PTP4A3: variants seen among roughly 807,000 people sequenced by gnomAD.
PTP4A3 encodes the protein protein tyrosine phosphatase type IVA 3.
In PTP4A3, 9 loss-of-function variants were observed where a neutral mutation model predicts 15.2. The observed-to-expected ratio is 0.59, with a 90% confidence interval of 0.36 to 1.03. The LOEUF (loss-of-function observed/expected upper bound fraction) is 1.03. PTP4A3 is among the 50% of genes least tolerant of loss of function. The pLI, the probability that PTP4A3 is intolerant of heterozygous loss-of-function variation, is 0.02. For synonymous variants in PTP4A3, 95 were observed against 102.0 expected (o/e 0.93, Z 0.41); for missense variants, 234 against 252.1 (o/e 0.93, Z 0.49).
chr8:141,429,650 G>C (rs1260989453), intron 5 of PTP4A3, among the ~76,000 whole-genome samples: 1 of 76,616 alleles, frequency 1.3e-5, no homozygotes, highest in Non-Finnish European at 2.6e-5. Flanking sequence ...GCGGGGACAG[G>C]GTGAGCACAC....
intron 1 of PTP4A3, among the ~76,000 whole-genome samples, chr8:141,419,576 T>TTG (rs1423092160): frequency 6.6e-6 from 1 of 150,660 alleles, no homozygotes; most frequent in Non-Finnish European, 1.5e-5. Context: ...CACCGGTTTT[T>TTG]TTTTTTTTTT....
chr8:141,399,157 C>G (rs999977030), intron 1 of PTP4A3, among the ~76,000 whole-genome samples: 2 of 152,194 alleles, frequency 1.3e-5, no homozygotes, highest in Admixed American at 6.5e-5. Flanking sequence ...ACACGGTGTG[C>G]TTTACCTGCT....
intron 5 of PTP4A3, among the ~76,000 whole-genome samples, chr8:141,428,537 G>C (rs1378577800): frequency 6.6e-6 from 1 of 152,232 alleles, no homozygotes; most frequent in Non-Finnish European, 1.5e-5. Context: ...AGGCTTGGCT[G>C]GTGGGGCCAT....
chr8:141,422,076 ATATTTGTGCGGGG>A lies in PTP4A3; in HGVS notation c.-161_-149del, dbSNP rs1438380237. ...TCCCCCACACCCAAGTATTTGCACA[ATATTTGTGCGGGG>A]TATGGGGGTGGGTTTTTAAATCTCG... is the stretch of plus-strand genomic sequence containing the variant. On this transcript the variant is annotated 5_prime_UTR_variant, in exon 2 of 6. It adds an upstream start codon to the 5' untranslated region. Transcript: ENST00000521578. 5.0e-6 allele frequency: 3 copies of A among 602,256 alleles called. No homozygotes were observed. 37.3% of individuals were successfully genotyped at this position (602,256 alleles called of 1,614,324 possible).
At chr8:141,413,510 T>A (rs1832924006) in intron 1 of PTP4A3, among the ~76,000 whole-genome samples, 1 of 152,212 alleles carries the variant, frequency 6.6e-6, no homozygotes, top group African/African-American at 2.4e-5. Context: ...CAACACCCCG[T>A]ACTCCAGAGC....
intron 1 of PTP4A3, among the ~76,000 whole-genome samples, chr8:141,395,214 CGT>C (rs907346396): frequency 6.6e-6 from 1 of 152,198 alleles, no homozygotes; most frequent in Non-Finnish European, 1.5e-5. Context: ...AGAGTGTGCG[CGT>C]GTCTCCCCTC....
intron 1 of PTP4A3, among the ~76,000 whole-genome samples, chr8:141,408,545 G>A (rs1832788364): frequency 6.6e-6 from 1 of 152,098 alleles, no homozygotes; most frequent in African/African-American, 2.4e-5. Context: ...CTTGAACCCG[G>A]GGGCGGAGGT....
chr8:141,427,841 G>C lies in PTP4A3; in HGVS notation c.404+17G>C. On this transcript the variant is annotated intron_variant, in intron 5 of 5. Transcript: ENST00000521578. ...CATCCGCCAGTGAGTGGCCGCGGTG[G>C]TGGGGTGGGCTGTGAGCGCTGGGGG... is the stretch of plus-strand genomic sequence containing the variant. The C allele has an allele frequency of 6.5e-7, 1 of 1,547,686 alleles. No individual in the cohort carries two copies. Among genetic ancestry groups the C allele is most frequent in the South Asian group, 1.2e-5 (1 of 84,008 alleles).
chr8:141,394,623 A>G (rs1284696752), intron 1 of PTP4A3, among the ~76,000 whole-genome samples: 1 of 152,140 alleles, frequency 6.6e-6, no homozygotes, highest in Admixed American at 6.5e-5. Flanking sequence ...ACACCTGTAA[A>G]ATGGGAGCAA....
At chr8:141,424,499 G>A (rs1833476826) in intron 2 of PTP4A3, among the ~76,000 whole-genome samples, 3 of 152,094 alleles carry the variant, frequency 2.0e-5, no homozygotes. Flanking sequence ...CATCCCTGCG[G>A]CTCAGCTGGG....
intron 1 of PTP4A3, among the ~76,000 whole-genome samples, chr8:141,401,175 G>T (rs1832581291): frequency 1.3e-5 from 2 of 152,220 alleles, no homozygotes; most frequent in Admixed American, 1.3e-4. Context: ...CTGTTTCCCA[G>T]GGAGGGAAGC....
chr8:141,424,312 G>C (rs1019759923), intron 2 of PTP4A3, among the ~76,000 whole-genome samples: 9 of 152,174 alleles, frequency 5.9e-5, no homozygotes, highest in Non-Finnish European at 1.3e-4. Flanking sequence ...CCGCAGTGGG[G>C]GTATAACTAT....
At chr8:141,424,366 G>GGGCTTCCCTGCTGGCGTACAGGGCCC (rs1388991352) in intron 2 of PTP4A3, among the ~76,000 whole-genome samples, 1 of 152,144 alleles carries the variant, frequency 6.6e-6, no homozygotes, top group Non-Finnish European at 1.5e-5. Flanking sequence ...TGGTCGTGTG[G>GGGCTTCCCTGCTGGCGTACAGGGCCC]GGCTTCCCTG....
chr8:141,428,849 C>T lies in PTP4A3; in HGVS notation c.404+1025C>T, dbSNP rs1022996883. Among the ~76,000 whole-genome samples the T allele has an allele frequency of 5.3e-5, 8 of 152,334 alleles. No individual in the cohort carries two copies. The East Asian group carries it at 9.6e-4, about 18-fold the overall frequency. Reference sequence around the variant, plus strand: ...GTGAACACAGGCACATACAGACAAGCGGGTATTTGCACACATGGACACACA... The same window carrying T: ...GTGAACACAGGCACATACAGACAAGTGGGTATTTGCACACATGGACACACA... On this transcript the variant is annotated intron_variant, in intron 5 of 5. Coordinates refer to ENST00000521578, the MANE Select transcript of PTP4A3 (RefSeq NM_032611.3).
chr8:141,418,300 C>T (rs1202209573), intron 1 of PTP4A3, among the ~76,000 whole-genome samples: 1 of 152,208 alleles, frequency 6.6e-6, no homozygotes, highest in Non-Finnish European at 1.5e-5. Flanking sequence ...CTGTCTGAAG[C>T]GGGGGCTGGA....
At chr8:141,427,195 C>T in intron 4 of PTP4A3, 126 bp downstream of exon 4, 1 of 1,385,204 alleles carries the variant, frequency 7.2e-7, no homozygotes, top group Non-Finnish European at 9.7e-7. Flanking sequence ...GGCCCATGCC[C>T]CTAGTGCTGG....
chr8:141,401,847 A>G (rs1163212877), intron 1 of PTP4A3, among the ~76,000 whole-genome samples: 1 of 152,050 alleles, frequency 6.6e-6, no homozygotes, highest in African/African-American at 2.4e-5. Context: ...GAGCGCATCC[A>G]TCTGTCCATC....
At chr8:141,418,316 ACTT>A (rs768524565) in intron 1 of PTP4A3, among the ~76,000 whole-genome samples, 2 of 152,120 alleles carry the variant, frequency 1.3e-5, no homozygotes, top group Non-Finnish European at 2.9e-5. Context: ...CTGGATTCAA[ACTT>A]CTTAAGCTGC....
rs75685179 is a variant in PTP4A3 at position 141,425,709 on chromosome 8, G to A, written c.198+569G>A. 3.7e-3 allele frequency among the ~76,000 whole-genome samples: 557 copies of A among 152,262 alleles called. 2 individuals are homozygous for A. The highest frequency in any genetic ancestry group is 0.011 in the African/African-American group (461 of 41,540). On this transcript the variant is annotated intron_variant, in intron 3 of 5. Coordinates refer to ENST00000521578, the MANE Select transcript of PTP4A3 (RefSeq NM_032611.3). This position sits in a 1 kb window ranked among gnomAD's most constrained non-coding sequence, Gnocchi z 4.2. ...CCCGGTGGACGACTGCCCCCCTGGT[G>A]CAGGCCTGCCCAGCTGCGCCTGGGC... is the stretch of plus-strand genomic sequence containing the variant.
Sources: allele counts gnomAD v4.1 joint callset (sites outside exome capture counted in the v4.1 genomes callset), GRCh38; gene constraint gnomAD v4.1.1; non-coding constraint Gnocchi (gnomAD v3.1); transcripts MANE v1.5; gene names NCBI Gene and HGNC (gene_info 2026-07-23, HGNC 2026-07-21).